The following GBE1 variants were observed in gnomAD, a reference collection of about 807,000 sequenced individuals.
The protein encoded by GBE1 is 1,4-alpha-glucan branching enzyme 1, also known as 1,4-alpha-glucan-branching enzyme.
GBE1 carries 70 observed loss-of-function variants against 88.8 expected under a neutral mutation model. The observed-to-expected ratio is 0.79, with a 90% confidence interval of 0.65 to 0.96. The LOEUF (loss-of-function observed/expected upper bound fraction) is 0.96. Among genes scored for constraint, GBE1 ranks in the 40% least tolerant of loss-of-function variants. GBE1 has a pLI of 0.00. For missense variants in GBE1, 872 were observed against 871.0 expected (o/e 1.00, Z -0.01); for synonymous variants, 284 against 300.1 (o/e 0.95, Z 0.56).
At chr3:81,565,465 A>G (rs1220197678) in intron 12 of GBE1, among the ~76,000 whole-genome samples, 1 of 152,220 alleles carries the variant, frequency 6.6e-6, no homozygotes, top group Non-Finnish European at 1.5e-5. Flanking sequence ...ATTTGAAGTA[A>G]GATCACACAT....
chr3:81,569,866 G>A (rs1227957412), intron 12 of GBE1, among the ~76,000 whole-genome samples: 1 of 152,050 alleles, frequency 6.6e-6, no homozygotes, highest in Admixed American at 6.6e-5. Flanking sequence ...CCAGGCCGGA[G>A]TGTAATGGTG....
chr3:81,625,534 G>A (rs1187117974), intron 7 of GBE1, among the ~76,000 whole-genome samples: 1 of 151,926 alleles, frequency 6.6e-6, no homozygotes, highest in Non-Finnish European at 1.5e-5. Context: ...GGACTCTTGG[G>A]CTCAAGCAAT....
chr3:81,499,423 C>T (rs1434290726), intron 14 of GBE1, among the ~76,000 whole-genome samples, 196 bp from the exon 15 acceptor site: 1 of 152,104 alleles, frequency 6.6e-6, no homozygotes, highest in Non-Finnish European at 1.5e-5. Flanking sequence ...TCATGAGATC[C>T]CTGTTATACT....
chr3:81,520,067 C>T (rs1702851949), intron 14 of GBE1, among the ~76,000 whole-genome samples: 1 of 151,484 alleles, frequency 6.6e-6, no homozygotes. Flanking sequence ...CACTGCTTAA[C>T]CTTTACCTGC....
intron 8 of GBE1, 130 bp from the exon 9 acceptor site, chr3:81,591,294 G>A (rs1703874556): frequency 1.7e-6 from 1 of 583,584 alleles, no homozygotes; most frequent in Non-Finnish European, 2.8e-6. Context: ...ATAAGCATCA[G>A]CAAATATACT....
rs189090589 is a variant in GBE1 at position 81,619,821 on chromosome 3, T to C, written c.992+22960A>G. 1.4e-4 allele frequency among the ~76,000 whole-genome samples: 22 copies of C among 152,218 alleles called. No homozygotes were observed. The South Asian group carries it at 4.1e-3, about 29-fold the overall frequency. ...TGGCTTTTCACATTTATTTTGACAT[T>C]TTAAAATGCATTTTAATGTGAGGAA... On this transcript the variant is annotated intron_variant, in intron 7 of 15. Transcript: ENST00000429644.
At chr3:81,693,765 T>C (rs1407902047) in intron 2 of GBE1, among the ~76,000 whole-genome samples, 2 of 152,052 alleles carry the variant, frequency 1.3e-5, no homozygotes, top group Non-Finnish European at 2.9e-5. Flanking sequence ...CAACCACCTA[T>C]ATATATCATA....
chr3:81,497,892 T>C (rs1397283833), intron 15 of GBE1, among the ~76,000 whole-genome samples: 1 of 152,210 alleles, frequency 6.6e-6, no homozygotes, highest in Non-Finnish European at 1.5e-5. Flanking sequence ...ATCAAACTTA[T>C]TTTACGTGTC....
chr3:81,612,030 TAATATGCATTAATCA>T (rs1306626886), intron 7 of GBE1, among the ~76,000 whole-genome samples: 1 of 152,136 alleles, frequency 6.6e-6, no homozygotes, highest in Admixed American at 6.6e-5. Flanking sequence ...CTAATCTTAC[TAATATGCATTAATCA>T]GTACTAACTT....
intron 7 of GBE1, among the ~76,000 whole-genome samples, chr3:81,621,791 T>C (rs1704337254): frequency 6.6e-6 from 1 of 152,102 alleles, no homozygotes; most frequent in Non-Finnish European, 1.5e-5. Flanking sequence ...CAGTGGACAA[T>C]ACCATATTTC....
At chr3:81,676,526 T>C (rs1216836959) in intron 2 of GBE1, among the ~76,000 whole-genome samples, 1 of 152,090 alleles carries the variant, frequency 6.6e-6, no homozygotes, top group Admixed American at 6.6e-5. Context: ...CTAATTACTC[T>C]TTTAAAATAA....
intron 7 of GBE1, among the ~76,000 whole-genome samples, chr3:81,634,071 G>C (rs1308924696): frequency 6.6e-6 from 1 of 152,152 alleles, no homozygotes; most frequent in Non-Finnish European, 1.5e-5. Context: ...TTTGTGAATG[G>C]CAGCCACCTC....
At chr3:81,649,973 A>T in intron 3 of GBE1, 52 bp from the exon 4 acceptor site, 1 of 1,457,888 alleles carries the variant, frequency 6.9e-7, no homozygotes, top group South Asian at 1.2e-5. Flanking sequence ...GAACTCTGAT[A>T]ATACATAATG....
chr3:81,710,982 G>C (rs186607668), intron 1 of GBE1, among the ~76,000 whole-genome samples: 1 of 152,302 alleles, frequency 6.6e-6, no homozygotes, highest in Admixed American at 6.5e-5. Flanking sequence ...CCCAGGGTGG[G>C]ACGGAGGGGC....
intron 12 of GBE1, among the ~76,000 whole-genome samples, chr3:81,567,794 T>C (rs1039660262): frequency 1.3e-5 from 2 of 152,240 alleles, no homozygotes; most frequent in Non-Finnish European, 2.9e-5. Context: ...GTAGTATCCC[T>C]GCATTTACTC....
chr3:81,653,604 A>G (rs1704883690), intron 3 of GBE1, among the ~76,000 whole-genome samples: 2 of 152,208 alleles, frequency 1.3e-5, no homozygotes, highest in African/African-American at 2.4e-5. Flanking sequence ...AGCCTTGTCT[A>G]TCAGTCTTGG....
intron 3 of GBE1, among the ~76,000 whole-genome samples, chr3:81,656,195 A>G (rs1235053311): frequency 6.6e-6 from 1 of 152,174 alleles, no homozygotes; most frequent in East Asian, 1.9e-4. Flanking sequence ...CTTCTGTGAC[A>G]AAAGAAGGTC....
intron 1 of GBE1, among the ~76,000 whole-genome samples, chr3:81,744,426 G>C (rs965914469): frequency 6.6e-6 from 1 of 152,178 alleles, no homozygotes; most frequent in South Asian, 2.1e-4. Flanking sequence ...ATTTCTATTG[G>C]ATAACATTGG....
At chr3:81,601,534 C>A (rs993677950) in intron 7 of GBE1, among the ~76,000 whole-genome samples, 1 of 152,020 alleles carries the variant, frequency 6.6e-6, no homozygotes, top group Non-Finnish European at 1.5e-5. Context: ...TTTTCCACAA[C>A]GTAAAATGGA....
Sources: allele counts gnomAD v4.1 joint callset (sites outside exome capture counted in the v4.1 genomes callset), GRCh38; gene constraint gnomAD v4.1.1; transcripts MANE v1.5; gene names NCBI Gene and HGNC (gene_info 2026-07-23, HGNC 2026-07-21).